Variants in SEM1 observed in about 807,000 individuals in gnomAD.
SEM1 encodes the protein SEM1 26S proteasome subunit.
A neutral mutation model predicts 12.7 loss-of-function variants in SEM1; 3 were observed. That is an observed-to-expected ratio of 0.24 (90% CI 0.11 to 0.61). The LOEUF is 0.61. Ranked by LOEUF, SEM1 falls within the 20% of genes least tolerant of loss-of-function variation. SEM1 has a pLI of 0.88. For missense variants in SEM1, 59 were observed against 81.3 expected, an observed-to-expected ratio of 0.73 and a Z score of 1.06; for synonymous variants, 30 against 27.8, an observed-to-expected ratio of 1.08 and a Z score of -0.25.
chr7:96,552,236 A>C (rs1222437217), intron 2 of SEM1, among the ~76,000 whole-genome samples: 4 of 151,862 alleles, frequency 2.6e-5, no homozygotes, highest in Non-Finnish European at 5.9e-5. Context: ...ACATGTGCAC[A>C]TTGTGCAGGT....
chr7:96,557,947 C>T (rs1044825507), intron 2 of SEM1, among the ~76,000 whole-genome samples: 6 of 152,258 alleles, frequency 3.9e-5, no homozygotes, highest in East Asian at 3.9e-4. Flanking sequence ...GGGAGTGACC[C>T]GATTTTCCAG....
chr7:96,588,397 C>CGAGA (rs138208602), intron 2 of SEM1, among the ~76,000 whole-genome samples: 13 of 72,210 alleles, frequency 1.8e-4, no homozygotes, highest in African/African-American at 6.0e-4. Flanking sequence ...CACACACACA[C>CGAGA]GAGAGAGAGA....
intron 2 of SEM1, among the ~76,000 whole-genome samples, chr7:96,543,088 T>A (rs1805004045): frequency 6.6e-6 from 1 of 151,840 alleles, no homozygotes; most frequent in Non-Finnish European, 1.5e-5. Context: ...GGGAAATGGA[T>A]TTTTTTGTGT....
At chr7:96,671,324 C>G (rs913575183), downstream of SEM1, among the ~76,000 whole-genome samples, 1 of 152,128 alleles carries the variant, frequency 6.6e-6, no homozygotes, top group Non-Finnish European at 1.5e-5. Flanking sequence ...ACTTCCAAAG[C>G]TACAATAGAT....
At position 96,631,100 on chromosome 7, in the gene SEM1, A is replaced by C. The variant is rs972290203; in HGVS notation, c.171-8457T>G. On this transcript the variant is annotated intron_variant, in intron 2 of 2. Transcript: ENST00000417009. ...GCCACAAGCTGTGCAGCCTGGGGTT[A>C]GGGGAATGGTGATGCCAGCACTCCC... Among the ~76,000 whole-genome samples the C allele has an allele frequency of 5.3e-5, 8 of 151,988 alleles. 1 individual carries two copies. In the South Asian group the frequency reaches 1.5e-3, roughly 28 times the overall value.
At chr7:96,526,575 G>A (rs1369015331) in intron 2 of SEM1, among the ~76,000 whole-genome samples, 1 of 152,108 alleles carries the variant, frequency 6.6e-6, no homozygotes, top group Non-Finnish European at 1.5e-5. Flanking sequence ...AAAAGGCAGG[G>A]AAAGCCACCA....
intron 2 of SEM1, among the ~76,000 whole-genome samples, chr7:96,632,330 T>C (rs1808287798): frequency 6.6e-6 from 1 of 151,998 alleles, no homozygotes; most frequent in African/African-American, 2.4e-5. Flanking sequence ...ATAGCCTGGA[T>C]AAAGAAAATG....
At chr7:96,530,964 CAGTT>C (rs1804620721) in intron 2 of SEM1, among the ~76,000 whole-genome samples, 2 of 152,132 alleles carry the variant, frequency 1.3e-5, no homozygotes, top group South Asian at 2.1e-4. Flanking sequence ...ATTTAACACA[CAGTT>C]AGTCAGGCGC....
intron 1 of SEM1, among the ~76,000 whole-genome samples, chr7:96,705,599 G>A (rs1003284150): frequency 1.1e-4 from 17 of 152,116 alleles, no homozygotes; most frequent in South Asian, 4.1e-4. Flanking sequence ...AGGCCGAGGC[G>A]GGCGGATCAC....
At chr7:96,649,719 G>A (rs996998569) in intron 2 of SEM1, 1 of 152,314 alleles carries the variant, frequency 6.6e-6, no homozygotes, top group African/African-American at 2.4e-5. Context: ...GTCAAGAAGA[G>A]TCTGATTTAA....
intron 2 of SEM1, among the ~76,000 whole-genome samples, chr7:96,577,694 G>C (rs1412694140): frequency 1.3e-5 from 2 of 151,910 alleles, no homozygotes; most frequent in Admixed American, 6.6e-5. Context: ...GTGCTCCTAG[G>C]TGACTGATAG....
intron 2 of SEM1, among the ~76,000 whole-genome samples, chr7:96,583,869 C>T (rs962532621): frequency 8.0e-5 from 12 of 150,764 alleles, no homozygotes; most frequent in African/African-American, 2.2e-4. Flanking sequence ...TGTGTCTCTG[C>T]ACGTGAGATG....
intron 2 of SEM1, among the ~76,000 whole-genome samples, chr7:96,586,066 T>G (rs1179406541): frequency 6.6e-6 from 1 of 152,218 alleles, no homozygotes; most frequent in African/African-American, 2.4e-5. Flanking sequence ...CTTGAACTCC[T>G]GGGCTCAAGT....
At chr7:96,585,802 G>A (rs1283810902) in intron 2 of SEM1, among the ~76,000 whole-genome samples, 3 of 152,150 alleles carry the variant, frequency 2.0e-5, no homozygotes, top group Non-Finnish European at 4.4e-5. Flanking sequence ...TCCCGAGTGA[G>A]GCAATGCCTC....
intron 1 of SEM1, among the ~76,000 whole-genome samples, chr7:96,708,748 G>A (rs1449526444): frequency 1.3e-5 from 2 of 152,108 alleles, no homozygotes; most frequent in African/African-American, 2.4e-5. Flanking sequence ...GACATCAGAA[G>A]GTTTCTTAAC....
chr7:96,605,141 C>T (rs550437643), intron 2 of SEM1, among the ~76,000 whole-genome samples: 6 of 151,814 alleles, frequency 4.0e-5, no homozygotes, highest in Non-Finnish European at 8.8e-5. Flanking sequence ...TTTTAATAAC[C>T]CTTCTAAACT....
At chr7:96,511,389 A>G (rs1035778567) in intron 2 of SEM1, among the ~76,000 whole-genome samples, 3 of 152,146 alleles carry the variant, frequency 2.0e-5, no homozygotes, top group African/African-American at 7.2e-5. Context: ...AGATTCCAAG[A>G]GAGAGATTCT....
At chr7:96,494,726 G>C (rs112024897) in intron 1 of SEM1, among the ~76,000 whole-genome samples, 1 of 141,074 alleles carries the variant, frequency 7.1e-6, no homozygotes, top group Non-Finnish European at 1.5e-5. Flanking sequence ...GAAGGGGGTG[G>C]AGAGAGAGCA....
Position 96,554,628 on chromosome 7 carries a change from G to A in SEM1, c.171-47930C>T, listed in dbSNP as rs565999870. ...TTTTATTGAGGATTTCTGCATCAATGTTAATCAAGGATATTGGTCTAACAT... is the reference window on the plus strand; with the variant it reads ...TTTTATTGAGGATTTCTGCATCAATATTAATCAAGGATATTGGTCTAACAT... On this transcript the variant is annotated intron_variant and NMD_transcript_variant, in intron 2 of 3. Transcript: ENST00000466986. Among the ~76,000 whole-genome samples, 463 of 151,594 alleles carry A rather than the reference G, an allele frequency of 3.1e-3. 5 individuals are homozygous for A. The highest frequency in any genetic ancestry group is 0.011 in the African/African-American group (440 of 41,322).
Sources: gnomAD v4.1 joint callset for allele counts (sites outside exome capture counted in the v4.1 genomes callset) on GRCh38, gnomAD v4.1.1 for gene constraint, MANE v1.5 for transcripts, NCBI Gene and HGNC (gene_info 2026-07-23, HGNC 2026-07-21) for gene names.